The following TSNARE1 variants were observed in gnomAD, a reference collection of about 807,000 sequenced individuals.
TSNARE1 encodes t-SNARE domain containing 1.
A neutral mutation model predicts 62.0 loss-of-function variants in TSNARE1; 49 were observed. The observed-to-expected ratio is 0.79, with a 90% CI of 0.63 to 1.00. The LOEUF is 1.00. TSNARE1 is among the 50% of genes least tolerant of loss of function. The pLI, the probability that TSNARE1 is intolerant of heterozygous loss-of-function variation, is 0.00. For synonymous variants in TSNARE1, 328 were observed against 294.4 expected (o/e 1.11, Z -1.17); for missense variants, 755 against 700.1 (o/e 1.08, Z -0.88).
chr8:142,265,674 T>C (rs1311077061), intron 12 of TSNARE1, among the ~76,000 whole-genome samples: 1 of 152,236 alleles, frequency 6.6e-6, no homozygotes, highest in Non-Finnish European at 1.5e-5. Flanking sequence ...ACTACAAAAC[T>C]GTTTTTCAGA....
At chr8:142,324,561 A>G (rs1829927960) in intron 6 of TSNARE1, among the ~76,000 whole-genome samples, 1 of 152,190 alleles carries the variant, frequency 6.6e-6, no homozygotes, top group Non-Finnish European at 1.5e-5. Context: ...GCTTGTCATT[A>G]CTTAAGATGC....
At chr8:142,395,973 C>T (rs778809375) in intron 1 of TSNARE1, among the ~76,000 whole-genome samples, 4 of 152,124 alleles carry the variant, frequency 2.6e-5, no homozygotes, top group Admixed American at 1.3e-4. Context: ...CAAGGTGGCC[C>T]GCTCTGTCCA....
intron 13 of TSNARE1, among the ~76,000 whole-genome samples, chr8:142,223,074 A>G (rs1586768393): frequency 1.4e-4 from 1 of 7,166 alleles, no homozygotes; most frequent in African/African-American, 3.7e-4. Context: ...TTACTCGCTC[A>G]TACTCATTCA....
rs114275014 is a variant in TSNARE1 at position 142,347,117 on chromosome 8, G to C, written c.89-1225C>G. Among the ~76,000 whole-genome samples, 16 of 152,318 alleles carry C rather than the reference G, an allele frequency of 1.1e-4. No individual in the cohort carries two copies. In the East Asian group the frequency reaches 1.2e-3, roughly 11 times the overall value. On this transcript the variant is annotated intron_variant, in intron 2 of 13. Coordinates refer to ENST00000524325, the MANE Select transcript of TSNARE1 (RefSeq NM_145003.5). ...TCACCCTCCAGCTCTGGGCCCTGGTGGGGGGAAGAGGGAGAAGCCTGCAGA... is the reference window on the plus strand; with the variant it reads ...TCACCCTCCAGCTCTGGGCCCTGGTCGGGGGAAGAGGGAGAAGCCTGCAGA...
intron 12 of TSNARE1, among the ~76,000 whole-genome samples, chr8:142,258,390 C>T (rs533561488): frequency 1.3e-5 from 2 of 152,166 alleles, no homozygotes; most frequent in South Asian, 2.1e-4. Context: ...TCAGGGAGTG[C>T]TTACTGTATC....
intron 4 of TSNARE1, among the ~76,000 whole-genome samples, chr8:142,336,616 T>C (rs1373037287): frequency 1.3e-5 from 2 of 152,108 alleles, no homozygotes; most frequent in Non-Finnish European, 2.9e-5. Context: ...AATCCACAGT[T>C]ACAGGCAGCG....
chr8:142,331,955 AC>A, intron 4 of TSNARE1, 124 bp from the exon 5 acceptor site: 2 of 920,780 alleles, frequency 2.2e-6, no homozygotes, highest in East Asian at 2.7e-5. Context: ...GTGGCCCTGA[AC>A]CCCCTCACTG....
At chr8:142,272,841 C>T in intron 12 of TSNARE1, 1 of 984,538 alleles carries the variant, frequency 1.0e-6, no homozygotes, top group South Asian at 4.7e-5. Flanking sequence ...ACAGGACATT[C>T]TATGCAGAGG....
At chr8:142,294,538 G>T (rs1466186664) in intron 10 of TSNARE1, among the ~76,000 whole-genome samples, 1 of 152,180 alleles carries the variant, frequency 6.6e-6, no homozygotes, top group Non-Finnish European at 1.5e-5. Context: ...CTGCTGTGTG[G>T]CCGTGGGCAC....
chr8:142,393,615 A>G (rs1837698512), intron 1 of TSNARE1, among the ~76,000 whole-genome samples: 1 of 152,206 alleles, frequency 6.6e-6, no homozygotes, highest in Non-Finnish European at 1.5e-5. Context: ...GTGCTGAGAG[A>G]GCAGAGGCCA....
intron 4 of TSNARE1, among the ~76,000 whole-genome samples, chr8:142,339,612 G>A (rs929238702): frequency 3.3e-5 from 5 of 152,208 alleles, no homozygotes; most frequent in Admixed American, 2.0e-4. Flanking sequence ...TGGAGAGGAC[G>A]TGACTAAACC....
At chr8:142,275,908 C>T (rs1820404078) in intron 11 of TSNARE1, 7 of 985,386 alleles carry the variant, frequency 7.1e-6, no homozygotes, top group Non-Finnish European at 8.4e-6. Context: ...CACTCCCCAC[C>T]GTCCCAGCAA....
rs925033796 is a variant in TSNARE1, at chr8:142,355,171, C to T, written c.-39-408G>A. 1.2e-4 allele frequency among the ~76,000 whole-genome samples: 19 copies of T among 152,340 alleles called. No homozygotes were observed. The East Asian group carries it at 1.4e-3, about 11-fold the overall frequency. On this transcript the variant is annotated intron_variant, in intron 1 of 13. Coordinates refer to ENST00000524325, the MANE Select transcript of TSNARE1 (RefSeq NM_145003.5). ...CACTGCATGTGAGTCAGGCCCAGGC[C>T]GGGCTGAGAACCCGGCACCCATGCA...
intron 11 of TSNARE1, chr8:142,278,875 G>A: frequency 2.2e-6 from 2 of 893,068 alleles, no homozygotes; most frequent in Non-Finnish European, 2.7e-6. Context: ...CGTGGGGCGG[G>A]GAAGAGTCAA....
chr8:142,374,636 G>C (rs1171860866), intron 1 of TSNARE1, among the ~76,000 whole-genome samples: 4 of 151,282 alleles, frequency 2.6e-5, no homozygotes, highest in Non-Finnish European at 5.9e-5. Flanking sequence ...GCCAAGATTG[G>C]GCCACTGCAT....
rs372973083 is a variant in TSNARE1 at position 142,349,400 on chromosome 8, T to C, written c.89-3508A>G. Reference sequence around the variant, plus strand: ...GGAAATTTCTAATTTCCAATGCTTTTATTAGAAATGAATATTTACCATATT... The same window carrying C: ...GGAAATTTCTAATTTCCAATGCTTTCATTAGAAATGAATATTTACCATATT... On this transcript the variant is annotated intron_variant, in intron 2 of 13. Transcript: ENST00000524325. Among the ~76,000 whole-genome samples the C allele has an allele frequency of 1.8e-4, 27 of 152,312 alleles. No individual in the cohort carries two copies. In the East Asian group the frequency reaches 4.4e-3, roughly 25 times the overall value.
intron 2 of TSNARE1, among the ~76,000 whole-genome samples, chr8:142,354,375 T>C (rs1329327213): frequency 2.0e-5 from 3 of 151,940 alleles, no homozygotes; most frequent in Non-Finnish European, 2.9e-5. Flanking sequence ...CACCAGCAGC[T>C]TGGTGCTCTA....
chr8:142,314,494 A>G (rs1157478662), intron 8 of TSNARE1, 54 bp from the exon 9 acceptor site: 9 of 1,534,016 alleles, frequency 5.9e-6, no homozygotes, highest in African/African-American at 1.4e-5. Context: ...AGGGTGGGGA[A>G]GGGAGAAGAA....
intron 13 of TSNARE1, among the ~76,000 whole-genome samples, chr8:142,225,464 G>A (rs778416481): frequency 3.3e-5 from 5 of 150,728 alleles, no homozygotes; most frequent in African/African-American, 7.3e-5. Flanking sequence ...GCTCACATGC[G>A]GGCTGTACCT....
Sources: allele counts gnomAD v4.1 joint callset (sites outside exome capture counted in the v4.1 genomes callset), GRCh38; gene constraint gnomAD v4.1.1; transcripts MANE v1.5; gene names NCBI Gene and HGNC (gene_info 2026-07-23, HGNC 2026-07-21).